TTC28: variants seen among roughly 807,000 people sequenced by gnomAD.
TTC28 encodes the protein tetratricopeptide repeat protein 28.
TTC28 carries 61 observed loss-of-function variants against 198.0 expected under a neutral mutation model. The observed-to-expected ratio is 0.31, with a 90% CI of 0.25 to 0.38. The LOEUF (loss-of-function observed/expected upper bound fraction) is 0.38. Ranked by LOEUF, TTC28 falls within the 10% of genes least tolerant of loss-of-function variation. The pLI is 1.00. For synonymous variants in TTC28, 1,171 were observed against 1,297.8 expected (o/e 0.90, Z 2.10); for missense variants, 2,678 against 3,164.0 (o/e 0.85, Z 3.69).
chr22:28,337,694 T>C (rs2045753714), intron 2 of TTC28, among the ~76,000 whole-genome samples: 1 of 152,234 alleles, frequency 6.6e-6, no homozygotes, highest in East Asian at 1.9e-4. Context: ...ATTTGCTTGG[T>C]AGATGTTCCT....
rs1937685170 is a variant in TTC28, at chr22:28,001,395, G to A, written c.4377C>T (p.Arg1459=). 1.3e-6 allele frequency: 2 copies of A among 1,550,980 alleles called. No homozygotes were observed. Among genetic ancestry groups the A allele is most frequent in the African/African-American group, 1.4e-5 (1 of 73,058 alleles). Reference sequence around the variant, plus strand: ...TTACCTTGGACTGCACGCTGAGGGAGCGGATGGAAGGGACAGCAAGGAGGC... The same window carrying A: ...TTACCTTGGACTGCACGCTGAGGGAACGGATGGAAGGGACAGCAAGGAGGC... ...RFGLLAVPSI[R]SLSVQSKSHL... The change falls in exon 15 of 23, where the codon CGC becomes CGT. Residue 1459 remains arginine (R), a synonymous_variant. Transcript: ENST00000397906.
intron 2 of TTC28, among the ~76,000 whole-genome samples, chr22:28,404,361 G>A (rs972271559): frequency 7.2e-5 from 11 of 152,200 alleles, no homozygotes; most frequent in South Asian, 6.2e-4. Flanking sequence ...CTCATGATCC[G>A]CCCGCCTCGG....
intron 2 of TTC28, among the ~76,000 whole-genome samples, chr22:28,456,547 T>C (rs753540159): frequency 6.6e-6 from 1 of 152,330 alleles, no homozygotes; most frequent in South Asian, 2.1e-4. Flanking sequence ...GGTTAATGTA[T>C]AATTCTGTCT....
At chr22:28,497,558 G>T (rs1329642157) in intron 2 of TTC28, among the ~76,000 whole-genome samples, 3 of 152,148 alleles carry the variant, frequency 2.0e-5, no homozygotes, top group Non-Finnish European at 2.9e-5. Flanking sequence ...TGAGTCTCAG[G>T]TATCTAGATT....
chr22:28,024,269 C>A (rs907278828), intron 13 of TTC28, among the ~76,000 whole-genome samples: 1 of 152,150 alleles, frequency 6.6e-6, no homozygotes, highest in South Asian at 2.1e-4. Context: ...TAGGGGCAAT[C>A]CAAGATGGAT....
chr22:28,251,724 T>C (rs1930526846), intron 5 of TTC28, among the ~76,000 whole-genome samples: 1 of 152,170 alleles, frequency 6.6e-6, no homozygotes, highest in Non-Finnish European at 1.5e-5. Context: ...TAAGCAATCA[T>C]ATGAAAACAT....
At chr22:28,322,105 C>T (rs2045455775) in intron 2 of TTC28, among the ~76,000 whole-genome samples, 1 of 152,180 alleles carries the variant, frequency 6.6e-6, no homozygotes, top group African/African-American at 2.4e-5. Flanking sequence ...GCTGGGATTA[C>T]AGGCATGAGC....
At chr22:28,049,017 T>G (rs930708601) in intron 12 of TTC28, among the ~76,000 whole-genome samples, 10 of 152,160 alleles carry the variant, frequency 6.6e-5, no homozygotes, top group Admixed American at 1.3e-4. Flanking sequence ...CTCCTTAAGA[T>G]CCAGACCATA....
intron 1 of TTC28, among the ~76,000 whole-genome samples, chr22:28,658,188 C>T (rs745944413): frequency 6.6e-6 from 1 of 151,982 alleles, no homozygotes; most frequent in East Asian, 1.9e-4. Flanking sequence ...ATTTTTTGAG[C>T]CAAATTAATG....
chr22:28,482,128 G>A (rs1481217446), intron 2 of TTC28, among the ~76,000 whole-genome samples: 2 of 150,770 alleles, frequency 1.3e-5, no homozygotes, highest in Admixed American at 6.6e-5. Context: ...ATCAACTAGC[G>A]CAGCAGATAC....
At chr22:27,994,352 TC>T (rs1358806504) in intron 17 of TTC28, 1 of 152,130 alleles carries the variant, frequency 6.6e-6, no homozygotes, top group East Asian at 1.9e-4. Context: ...TGGGCCTCTC[TC>T]TAGTGGAAAC....
At chr22:28,123,589 T>C (rs142148871) in intron 6 of TTC28, among the ~76,000 whole-genome samples, 19 of 152,298 alleles carry the variant, frequency 1.2e-4, no homozygotes, top group African/African-American at 4.3e-4. Flanking sequence ...AATTCTACCT[T>C]TATTGCACAC....
In TTC28 at chr22:27,992,608, C is replaced by T. The variant is rs565105020; in HGVS notation, c.5532G>A (p.Thr1844=). The T allele has an allele frequency of 6.7e-5, 104 of 1,551,486 alleles. No individual in the cohort carries two copies. Among genetic ancestry groups the T allele is most frequent in the Admixed American group, 1.2e-4 (6 of 50,988 alleles). ...ALCKLITASE[T]GEQLISRAVK... ...TTACCCGGCTGATGAGCTGCTCGCC[C>T]GTCTCGGAGGCAGTGATGAGTTTGC... Residue 1844 remains threonine (T), a synonymous_variant, in exon 19 of 23, where the codon ACG becomes ACA. Transcript: ENST00000397906.
At chr22:28,566,110 T>G (rs1208515747) in intron 2 of TTC28, among the ~76,000 whole-genome samples, 1 of 152,182 alleles carries the variant, frequency 6.6e-6, no homozygotes, top group Non-Finnish European at 1.5e-5. Context: ...CCCCTGCTTT[T>G]GTATGGCCTC....
chr22:28,572,668 G>A (rs1012016449), intron 2 of TTC28, among the ~76,000 whole-genome samples: 1 of 152,114 alleles, frequency 6.6e-6, no homozygotes, highest in African/African-American at 2.4e-5. Flanking sequence ...ATAAGAGAAT[G>A]TTTTATTACA....
At chr22:28,522,667 C>G (rs924324446) in intron 2 of TTC28, among the ~76,000 whole-genome samples, 1 of 151,948 alleles carries the variant, frequency 6.6e-6, no homozygotes, top group Admixed American at 6.6e-5. Flanking sequence ...CAATAATGAA[C>G]TGAAGCACAG....
At chr22:28,511,713 G>C (rs907456790) in intron 2 of TTC28, among the ~76,000 whole-genome samples, 3 of 152,000 alleles carry the variant, frequency 2.0e-5, no homozygotes, top group African/African-American at 7.2e-5. Context: ...AGCTACTCAG[G>C]AGGATGAAGC....
chr22:28,428,774 G>T (rs2047390681), intron 2 of TTC28, among the ~76,000 whole-genome samples: 1 of 151,902 alleles, frequency 6.6e-6, no homozygotes, highest in South Asian at 2.1e-4. Flanking sequence ...GAGTAGCTGG[G>T]ACTACAGGCA....
At position 28,297,605 on chromosome 22, in the gene TTC28, C is replaced by T. The variant is rs773467593; in HGVS notation, c.777G>A (p.Gln259=). 4.4e-5 allele frequency: 69 copies of T among 1,551,494 alleles called. No individual in the cohort carries two copies. The highest frequency in any genetic ancestry group is 5.8e-5 in the Non-Finnish European group (66 of 1,146,952). ...NTEKSTGYMQ[Q]DLDVAKTLGD... Reference sequence around the variant, plus strand: ...CTAAGGTCTTGGCTACATCCAAGTCCTGCTGCATATATCCGGTGCTCTTCT... The same window carrying T: ...CTAAGGTCTTGGCTACATCCAAGTCTTGCTGCATATATCCGGTGCTCTTCT... The change falls in exon 4 of 23, where the codon CAG becomes CAA. Residue 259 remains glutamine (Q), a synonymous_variant. Coordinates refer to ENST00000397906, the MANE Select transcript of TTC28 (RefSeq NM_001145418.2).
Sources: gnomAD v4.1 joint callset for allele counts (sites outside exome capture counted in the v4.1 genomes callset) on GRCh38, gnomAD v4.1.1 for gene constraint, MANE v1.5 for transcripts, NCBI Gene and HGNC (gene_info 2026-07-23, HGNC 2026-07-21) for gene names.